Variants in SUGCT observed in about 807,000 individuals in gnomAD.
SUGCT encodes the protein succinyl-CoA:glutarate CoA-transferase.
SUGCT carries 41 observed loss-of-function variants against 55.0 expected under a neutral mutation model. That is an observed-to-expected ratio of 0.74 (90% CI 0.58 to 0.97). The LOEUF (loss-of-function observed/expected upper bound fraction) is 0.97, where lower values mean the gene tolerates loss of function less well. Ranked by LOEUF, SUGCT falls within the 50% of genes least tolerant of loss-of-function variation. The probability of loss-of-function intolerance (pLI) is 0.00; values close to 1 mark genes in which losing one functional copy is unlikely to be tolerated. For missense variants in SUGCT, 568 were observed against 547.8 expected, an observed-to-expected ratio of 1.04 and a Z score of -0.37; for synonymous variants, 187 against 200.4, an observed-to-expected ratio of 0.93 and a Z score of 0.56.
chr7:40,909,024 A>G, the SUGCT span, among the ~76,000 whole-genome samples: 3 of 152,148 alleles, frequency 2.0e-5, no homozygotes, highest in Non-Finnish European at 4.4e-5. Flanking sequence ...AATACCCCCA[A>G]GACTATCTCT....
intron 12 of SUGCT, among the ~76,000 whole-genome samples, chr7:40,633,818 A>C (rs1418670073): frequency 1.3e-5 from 2 of 152,246 alleles, no homozygotes; most frequent in Non-Finnish European, 2.9e-5. Context: ...TATATATTTA[A>C]AAGTTAGCAC....
chr7:40,672,798 A>G (rs1404027020), intron 12 of SUGCT, among the ~76,000 whole-genome samples: 1 of 152,198 alleles, frequency 6.6e-6, no homozygotes, highest in Admixed American at 6.5e-5. Flanking sequence ...TCAAAATAAA[A>G]ATTTCAATAA....
chr7:40,248,366 T>G (rs1790057293), intron 7 of SUGCT, among the ~76,000 whole-genome samples: 1 of 152,056 alleles, frequency 6.6e-6, no homozygotes, highest in African/African-American at 2.4e-5. Context: ...TGCATTGTAT[T>G]TTATTTTAAA....
chr7:40,863,992 T>C (rs1167357390), downstream of SUGCT, among the ~76,000 whole-genome samples: 1 of 152,110 alleles, frequency 6.6e-6, no homozygotes, highest in African/African-American at 2.4e-5. Flanking sequence ...CAGAGGCTCT[T>C]ATATTGCAGT....
the SUGCT span, among the ~76,000 whole-genome samples, chr7:40,872,538 C>T: frequency 3.3e-5 from 5 of 152,112 alleles, no homozygotes; most frequent in African/African-American, 4.8e-5. Context: ...GTTGTCCAAG[C>T]GACACTGACC....
At position 40,377,220 on chromosome 7, in the gene SUGCT, T is replaced by A. The variant is rs373248401; in HGVS notation, c.816+60365T>A. Among the ~76,000 whole-genome samples, 89 of 21,610 alleles carry A rather than the reference T, an allele frequency of 4.1e-3. 29 individuals are homozygous for A. Among genetic ancestry groups the A allele is most frequent in the Middle Eastern group, 0.032 (2 of 62 alleles). The allele number at this position is 21,610 out of a possible 152,430, so 14.2% of individuals were successfully genotyped here. ...TTTCTTTTCTTTTCTTTTCTTTCTT[T>A]TCTTTCTTTCTTCCCTTCCTTCCTT... is the stretch of plus-strand genomic sequence containing the variant. On this transcript the variant is annotated intron_variant, in intron 9 of 13. Coordinates refer to ENST00000335693, the MANE Select transcript of SUGCT (RefSeq NM_001193313.2).
At chr7:40,588,004 G>A (rs932162555) in intron 12 of SUGCT, among the ~76,000 whole-genome samples, 19 of 151,406 alleles carry the variant, frequency 1.3e-4, no homozygotes, top group Non-Finnish European at 2.4e-4. Context: ...CCAGGCTCAG[G>A]CGATTCTCCT....
the SUGCT span, among the ~76,000 whole-genome samples, chr7:40,883,775 TA>T: frequency 2.0e-5 from 3 of 152,348 alleles, no homozygotes; most frequent in Admixed American, 6.5e-5. Flanking sequence ...TGTTTTACTA[TA>T]AGTATAAGCA....
intron 13 of SUGCT, among the ~76,000 whole-genome samples, chr7:40,838,973 T>TTG (rs1793139045): frequency 6.6e-6 from 1 of 151,752 alleles, no homozygotes; most frequent in Non-Finnish European, 1.5e-5. Flanking sequence ...CATGTAGGTG[T>TTG]TGTATTACAT....
intron 12 of SUGCT, among the ~76,000 whole-genome samples, chr7:40,613,003 GA>G (rs1798834066): frequency 6.6e-6 from 1 of 152,082 alleles, no homozygotes; most frequent in South Asian, 2.1e-4. Context: ...CATGATGGGG[GA>G]TGCCCATAAT....
Position 40,302,674 on chromosome 7 carries a change from C to T in SUGCT, c.721-14086C>T, listed in dbSNP as rs138779110. Among the ~76,000 whole-genome samples, 6 of 152,284 alleles carry T rather than the reference C, an allele frequency of 3.9e-5. No homozygotes were observed. The East Asian group carries it at 1.2e-3, about 29-fold the overall frequency. ...CAGGAGCATGACTCTCTGAGCTTCACCTTCCTTTAAAAGTTAGACCAGGCC... is the reference window on the plus strand; with the variant it reads ...CAGGAGCATGACTCTCTGAGCTTCATCTTCCTTTAAAAGTTAGACCAGGCC... On this transcript the variant is annotated intron_variant, in intron 8 of 13. Transcript: ENST00000335693.
At chr7:40,740,412 T>G (rs2128704046) in intron 12 of SUGCT, among the ~76,000 whole-genome samples, 1 of 151,338 alleles carries the variant, frequency 6.6e-6, no homozygotes, top group Middle Eastern at 3.4e-3. Flanking sequence ...ATTTTATTTA[T>G]TTTTCCAATC....
At chr7:40,722,935 C>T (rs1315004312) in intron 12 of SUGCT, among the ~76,000 whole-genome samples, 3 of 152,046 alleles carry the variant, frequency 2.0e-5, no homozygotes, top group Non-Finnish European at 2.9e-5. Context: ...TTATGTTTGC[C>T]ATCTGAAATG....
intron 12 of SUGCT, among the ~76,000 whole-genome samples, chr7:40,604,597 G>A (rs1269346557): frequency 6.6e-6 from 1 of 152,192 alleles, no homozygotes; most frequent in East Asian, 1.9e-4. Flanking sequence ...AGAGTAGAGA[G>A]TCATTTTCAT....
intron 12 of SUGCT, among the ~76,000 whole-genome samples, chr7:40,740,826 A>G (rs981319514): frequency 6.6e-6 from 1 of 152,200 alleles, no homozygotes; most frequent in African/African-American, 2.4e-5. Context: ...TAAAAAGCGA[A>G]GAACAAAAGG....
chr7:40,948,369 G>T, the SUGCT span, among the ~76,000 whole-genome samples: 11 of 152,044 alleles, frequency 7.2e-5, no homozygotes, highest in Admixed American at 7.2e-4. Context: ...ATGCCACTTA[G>T]ACTGAAATGT....
rs183487262 is a variant in SUGCT at position 40,442,830 on chromosome 7, G to A, written c.817-6457G>A. ...GTTTGTGTGCTGCACCCATTAACTCGTCATTTACATTAGGTATATCTCCTA... is the reference window on the plus strand; with the variant it reads ...GTTTGTGTGCTGCACCCATTAACTCATCATTTACATTAGGTATATCTCCTA... On this transcript the variant is annotated intron_variant, in intron 9 of 13. Transcript: ENST00000335693. Among the ~76,000 whole-genome samples the A allele has an allele frequency of 6.0e-3, 915 of 152,088 alleles. 5 individuals are homozygous for A. Among genetic ancestry groups the A allele is most frequent in the African/African-American group, 0.021 (877 of 41,494 alleles).
At chr7:40,157,320 C>T (rs1232429905) in intron 1 of SUGCT, among the ~76,000 whole-genome samples, 1 of 152,182 alleles carries the variant, frequency 6.6e-6, no homozygotes, top group Non-Finnish European at 1.5e-5. Context: ...GCGAAGGCGG[C>T]AGCTGGGCAG....
intron 9 of SUGCT, among the ~76,000 whole-genome samples, chr7:40,343,549 T>TC (rs34532120): frequency 0.6 from 91,201 of 151,966 alleles, 27,694 homozygotes; most frequent in South Asian, 0.71. Flanking sequence ...AAGAACAGAA[T>TC]CCTTTGGCCG....
Sources: gnomAD v4.1 joint callset for allele counts (sites outside exome capture counted in the v4.1 genomes callset) on GRCh38, gnomAD v4.1.1 for gene constraint, MANE v1.5 for transcripts, NCBI Gene and HGNC (gene_info 2026-07-23, HGNC 2026-07-21) for gene names.